Variants in EIF2AK1 observed in about 807,000 individuals in gnomAD.
EIF2AK1 encodes the protein eukaryotic translation initiation factor 2 alpha kinase 1, also known as eukaryotic translation initiation factor 2-alpha kinase 1.
In EIF2AK1, 54 loss-of-function variants were observed where a neutral mutation model predicts 77.9. The ratio of observed to expected loss-of-function variants is 0.69; its 90% CI spans 0.56 to 0.87. The LOEUF (loss-of-function observed/expected upper bound fraction) is 0.87, where lower values mean the gene tolerates loss of function less well. Among genes scored for constraint, EIF2AK1 ranks in the 40% least tolerant of loss-of-function variants. EIF2AK1 has a pLI of 0.00. For missense variants in EIF2AK1, 810 were observed against 768.6 expected, an observed-to-expected ratio of 1.05 and a Z score of -0.64; for synonymous variants, 314 against 290.5, an observed-to-expected ratio of 1.08 and a Z score of -0.82.
intron 2 of EIF2AK1, 113 bp from the exon 3 acceptor site, chr7:6,050,158 T>C (rs1301507153): frequency 5.2e-6 from 4 of 775,808 alleles, no homozygotes; most frequent in East Asian, 2.8e-5. Flanking sequence ...AAAACCTCAA[T>C]AGGAAAAATA....
At chr7:6,047,174 A>C in intron 4 of EIF2AK1, 83 bp from the exon 5 acceptor site, 1 of 1,268,212 alleles carries the variant, frequency 7.9e-7, no homozygotes, top group Non-Finnish European at 1.1e-6. Flanking sequence ...CAGGATTACT[A>C]ACCTCACAAA....
At chr7:6,047,141 T>C in intron 4 of EIF2AK1, 50 bp from the exon 5 acceptor site, 1 of 1,525,114 alleles carries the variant, frequency 6.6e-7, no homozygotes, top group Non-Finnish European at 9.1e-7. Flanking sequence ...AGAATCAAAA[T>C]GTTCTAGGAT....
rs570876143 is a variant in EIF2AK1 at position 6,024,476 on chromosome 7, G to A, written c.*197C>T. On this transcript the variant is annotated 3_prime_UTR_variant, in exon 15 of 15. Transcript: ENST00000199389. ...TTTAGTTTCAGAGACTAGGCATATG[G>A]TTAATATTTAGGTAGGAAATTCAGG... is the stretch of plus-strand genomic sequence containing the variant. 91 of 1,418,816 alleles carry A rather than the reference G, an allele frequency of 6.4e-5. 2 individuals carry two copies. In the South Asian group the frequency reaches 1.3e-3, roughly 20 times the overall value. 87.9% of individuals were successfully genotyped at this position (1,418,816 alleles called of 1,614,324 possible).
chr7:6,042,765 C>G (rs1440957949), intron 8 of EIF2AK1, among the ~76,000 whole-genome samples, 168 bp downstream of exon 8: 1 of 152,070 alleles, frequency 6.6e-6, no homozygotes, highest in Non-Finnish European at 1.5e-5. Context: ...ATTCGGGAAG[C>G]TGAGGCAGGA....
intron 14 of EIF2AK1, among the ~76,000 whole-genome samples, chr7:6,025,619 G>A (rs1056856692): frequency 3.3e-5 from 5 of 152,198 alleles, no homozygotes; most frequent in Non-Finnish European, 7.3e-5. Flanking sequence ...GTCTAAGCTC[G>A]ACTATTCACT....
Position 6,023,464 on chromosome 7 carries a change from G to A in EIF2AK1, c.*1209C>T. The A allele has an allele frequency of 6.2e-7, 1 of 1,614,150 alleles. No homozygotes were observed. The highest frequency in any genetic ancestry group is 8.5e-7 in the Non-Finnish European group (1 of 1,179,974). On this transcript the variant is annotated 3_prime_UTR_variant, in exon 15 of 15. Coordinates refer to ENST00000199389, the MANE Select transcript of EIF2AK1 (RefSeq NM_014413.4). Reference sequence around the variant, plus strand: ...AGATATTGCGATTTTTCAGTTAAAAGAGGGAAGCAGTAAAGAAAAAGCCGC... The same window carrying A: ...AGATATTGCGATTTTTCAGTTAAAAAAGGGAAGCAGTAAAGAAAAAGCCGC...
At chr7:6,048,450 T>C (rs926375444) in intron 4 of EIF2AK1, among the ~76,000 whole-genome samples, 3 of 152,220 alleles carry the variant, frequency 2.0e-5, no homozygotes, top group African/African-American at 7.2e-5. Flanking sequence ...ATTGCAGGGA[T>C]AGACCACATG....
chr7:6,044,896 C>G (rs924598659), intron 6 of EIF2AK1, among the ~76,000 whole-genome samples: 2 of 152,106 alleles, frequency 1.3e-5, no homozygotes, highest in Non-Finnish European at 2.9e-5. Flanking sequence ...TTCTGTCCAA[C>G]TATTGAGTAA....
In EIF2AK1 at chr7:6,027,021, A is replaced by T; in HGVS notation, c.1531-60T>A. The T allele has an allele frequency of 7.1e-7, 1 of 1,411,056 alleles. No homozygotes were observed. Among genetic ancestry groups the T allele is most frequent in the East Asian group, 2.3e-5 (1 of 43,870 alleles). 87.4% of individuals were successfully genotyped at this position (1,411,056 alleles called of 1,614,324 possible). A position where few individuals can be genotyped will look rare whatever the true frequency, so the allele number is the denominator to read the frequency against. ...AATACAAAGTTAGAAGAACGTTTCC[A>T]TTTCCGTGTTCCACCCTCCAAACAG... On this transcript the variant is annotated intron_variant, in intron 13 of 14. Coordinates refer to ENST00000199389, the MANE Select transcript of EIF2AK1 (RefSeq NM_014413.4). The surrounding 1 kb of genome is among the most constrained non-coding windows in gnomAD (Gnocchi z 4.5).
chr7:6,052,755 CAGG>C (rs1363923241), intron 2 of EIF2AK1, among the ~76,000 whole-genome samples: 1 of 151,260 alleles, frequency 6.6e-6, no homozygotes, highest in African/African-American at 2.4e-5. Context: ...ATCACCAGGT[CAGG>C]AGTTCGAGAC....
At chr7:6,053,830 G>A (rs1341275565) in intron 2 of EIF2AK1, among the ~76,000 whole-genome samples, 6 of 109,890 alleles carry the variant, frequency 5.5e-5, no homozygotes, top group African/African-American at 1.8e-4. Flanking sequence ...ATTACGCCTG[G>A]GTAGTTTTGC....
chr7:6,044,009 G>A (rs1236420856), intron 7 of EIF2AK1, among the ~76,000 whole-genome samples: 1 of 151,766 alleles, frequency 6.6e-6, no homozygotes, highest in Non-Finnish European at 1.5e-5. Flanking sequence ...TGAGGCAGAA[G>A]AATCACTTAA....
At position 6,032,271 on chromosome 7, in the gene EIF2AK1, C is replaced by A. The variant is rs1305608804; in HGVS notation, c.1333-3239G>T. Among the ~76,000 whole-genome samples the A allele has an allele frequency of 6.6e-6, 1 of 152,130 alleles. No homozygotes were observed. The highest frequency in any genetic ancestry group is 1.5e-5 in the Non-Finnish European group (1 of 68,018). On this transcript the variant is annotated intron_variant, in intron 11 of 14. Transcript: ENST00000199389. This position sits in a 1 kb window ranked among gnomAD's most constrained non-coding sequence, Gnocchi z 4.3. ...TGATTATTACTTTTACAATTAAATT[C>A]AAAAAGGAAGTCACCCTCCCTTGTA...
At chr7:6,049,801 T>C (rs1201758304) in intron 3 of EIF2AK1, 111 bp downstream of exon 3, 4 of 1,121,382 alleles carry the variant, frequency 3.6e-6, no homozygotes, top group South Asian at 2.9e-5. Flanking sequence ...CTAGAGTTTA[T>C]ACTTTTAAAA....
At chr7:6,029,220 C>G (rs1787831419) in intron 11 of EIF2AK1, among the ~76,000 whole-genome samples, 188 bp from the exon 12 acceptor site, 1 of 152,180 alleles carries the variant, frequency 6.6e-6, no homozygotes, top group Admixed American at 6.6e-5. Context: ...CAACATCTGG[C>G]CGGGTGCAGT....
At chr7:6,043,731 C>A (rs1268254686) in intron 7 of EIF2AK1, among the ~76,000 whole-genome samples, 1 of 151,814 alleles carries the variant, frequency 6.6e-6, no homozygotes, top group African/African-American at 2.4e-5. Flanking sequence ...CCCCAGCTAA[C>A]TTTAAATTTA....
At chr7:6,049,348 C>A (rs1440498168) in intron 3 of EIF2AK1, among the ~76,000 whole-genome samples, 1 of 152,146 alleles carries the variant, frequency 6.6e-6, no homozygotes, top group African/African-American at 2.4e-5. Flanking sequence ...TCGAGACCAG[C>A]CTGGCCAACA....
chr7:6,028,063 A>G (rs1419442822), intron 13 of EIF2AK1: 1 of 366,566 alleles, frequency 2.7e-6, no homozygotes, highest in Non-Finnish European at 5.4e-6. Context: ...ACCCTGTCTC[A>G]AAAACAACAA....
rs151171916 is a variant in EIF2AK1, at chr7:6,048,772, T to C, written c.449+35A>G. On this transcript the variant is annotated intron_variant, in intron 4 of 14. Coordinates refer to ENST00000199389, the MANE Select transcript of EIF2AK1 (RefSeq NM_014413.4). ...TTTCTTAATTTTGATTTCTTTTCAA[T>C]AGTCTGCATAATCAAGAAAGTTTTT... 2.6e-5 allele frequency: 39 copies of C among 1,490,634 alleles called. No individual in the cohort carries two copies. The East Asian group carries it at 4.8e-4, about 18-fold the overall frequency. The allele number at this position is 1,490,634 out of a possible 1,614,324, so 92.3% of individuals were successfully genotyped here. A position where few individuals can be genotyped will look rare whatever the true frequency, so the allele number is the denominator to read the frequency against.
Sources: allele counts gnomAD v4.1 joint callset (sites outside exome capture counted in the v4.1 genomes callset), GRCh38; gene constraint gnomAD v4.1.1; non-coding constraint Gnocchi (gnomAD v3.1); transcripts MANE v1.5; gene names NCBI Gene and HGNC (gene_info 2026-07-23, HGNC 2026-07-21).